Variants in TANGO2 observed in about 807,000 individuals in gnomAD.
The protein encoded by TANGO2 is transport and Golgi organization protein 2 homolog.
Under a neutral mutation model 39.1 loss-of-function variants are expected in TANGO2, and 26 were observed. The observed-to-expected ratio is 0.67, with a 90% confidence interval of 0.49 to 0.92. The LOEUF is 0.92. TANGO2 is among the 40% of genes least tolerant of loss of function. The probability of loss-of-function intolerance (pLI) is 0.00; values close to 1 mark genes in which losing one functional copy is unlikely to be tolerated. For synonymous variants in TANGO2, 131 were observed against 144.5 expected (o/e 0.91, Z 0.67); for missense variants, 326 against 360.1 (o/e 0.91, Z 0.77).
chr22:20,058,772 AG>A (rs2047847866), intron 6 of TANGO2, among the ~76,000 whole-genome samples: 1 of 152,128 alleles, frequency 6.6e-6, no homozygotes, highest in Non-Finnish European at 1.5e-5. Flanking sequence ...CTCTTTGAAG[AG>A]GGGAAGGGCA....
intron 2 of TANGO2, among the ~76,000 whole-genome samples, chr22:20,038,925 GTTTT>G (rs11361190): frequency 7.0e-6 from 1 of 142,812 alleles, no homozygotes. Flanking sequence ...AGGCCACTAT[GTTTT>G]TTTTTTTTAT....
chr22:20,059,398 C>T (rs1192721375), intron 6 of TANGO2, among the ~76,000 whole-genome samples: 2 of 152,164 alleles, frequency 1.3e-5, no homozygotes, highest in Non-Finnish European at 2.9e-5. Context: ...CATGTGAATA[C>T]GTAGGAATGG....
intron 6 of TANGO2, chr22:20,056,828 C>T (rs1671104472): frequency 4.4e-6 from 2 of 456,678 alleles, no homozygotes; most frequent in South Asian, 3.1e-5. Flanking sequence ...CTCCCACACT[C>T]GCTGCCCACA....
At chr22:20,019,150 A>G (rs1227416510), upstream of TANGO2, 1 of 152,268 alleles carries the variant, frequency 6.6e-6, no homozygotes, top group African/African-American at 2.4e-5. Flanking sequence ...CCAGTAGCCC[A>G]GTGTTCTCCC....
At chr22:20,018,880 G>A (rs1945392089), upstream of TANGO2, among the ~76,000 whole-genome samples, 1 of 152,128 alleles carries the variant, frequency 6.6e-6, no homozygotes, top group South Asian at 2.1e-4. Flanking sequence ...AGGAGTTCGA[G>A]ACCAGCCTGG....
intron 2 of TANGO2, among the ~76,000 whole-genome samples, chr22:20,040,597 C>T (rs548282239): frequency 6.6e-6 from 1 of 152,348 alleles, no homozygotes; most frequent in South Asian, 2.1e-4. Flanking sequence ...CACATCCCCA[C>T]CATAGCACTC....
At chr22:20,024,537 C>T (rs888837823) in intron 1 of TANGO2, among the ~76,000 whole-genome samples, 6 of 152,208 alleles carry the variant, frequency 3.9e-5, no homozygotes, top group African/African-American at 1.2e-4. Flanking sequence ...GGGGATTGGG[C>T]GCCCGGCTGC....
intron 1 of TANGO2, among the ~76,000 whole-genome samples, chr22:20,030,334 A>G (rs1256845274): frequency 6.7e-6 from 1 of 149,666 alleles, no homozygotes; most frequent in East Asian, 2.0e-4. Flanking sequence ...CACCTGGCTA[A>G]TTTGTTTGTT....
intron 4 of TANGO2, among the ~76,000 whole-genome samples, chr22:20,052,997 C>T (rs1389069734): frequency 6.6e-6 from 1 of 152,162 alleles, no homozygotes; most frequent in Non-Finnish European, 1.5e-5. Flanking sequence ...CAGCCAGGAG[C>T]CCACTCCCAC....
intron 3 of TANGO2, among the ~76,000 whole-genome samples, chr22:20,048,877 C>A (rs2045764301): frequency 6.6e-6 from 1 of 152,154 alleles, no homozygotes; most frequent in African/African-American, 2.4e-5. Flanking sequence ...AATCTCTTGA[C>A]CTCTTGATCT....
In TANGO2 at chr22:20,066,443, G is replaced by A. The variant is rs570375901; in HGVS notation, c.*1781G>A. ...TTTCAGACCCATGAGAGTGCAGGGTGGGTGTGGACCTGCGCCAGGGCTTCC... is the reference window on the plus strand; with the variant it reads ...TTTCAGACCCATGAGAGTGCAGGGTAGGTGTGGACCTGCGCCAGGGCTTCC... On this transcript the variant is annotated 3_prime_UTR_variant, in exon 9 of 9. Coordinates refer to ENST00000327374, the MANE Select transcript of TANGO2 (RefSeq NM_152906.7). 2 of 152,454 alleles carry A rather than the reference G, an allele frequency of 1.3e-5. No individual in the cohort carries two copies. The highest frequency in any genetic ancestry group is 4.8e-5 in the African/African-American group (2 of 41,568). 9.4% of individuals were successfully genotyped at this position (152,454 alleles called of 1,614,324 possible).
upstream of TANGO2, chr22:20,019,131 C>A (rs971922063): frequency 2.0e-5 from 3 of 152,106 alleles, no homozygotes; most frequent in Admixed American, 1.3e-4. Flanking sequence ...GCAAGGGAGA[C>A]CACAGGGACC....
intron 1 of TANGO2, among the ~76,000 whole-genome samples, chr22:20,033,488 G>C (rs1263001723): frequency 6.6e-6 from 1 of 152,250 alleles, no homozygotes; most frequent in Non-Finnish European, 1.5e-5. Flanking sequence ...CAGCAGCTGG[G>C]CGTGCAGCCC....
chr22:20,055,883 G>C, intron 5 of TANGO2, 60 bp from the exon 6 acceptor site: 6 of 1,413,612 alleles, frequency 4.2e-6, no homozygotes, highest in Non-Finnish European at 6.0e-6. Flanking sequence ...AGATCACCGG[G>C]CAGTGTCGGG....
chr22:20,025,995 G>A (rs1034427931), intron 1 of TANGO2, among the ~76,000 whole-genome samples: 1 of 152,208 alleles, frequency 6.6e-6, no homozygotes, highest in Non-Finnish European at 1.5e-5. Context: ...GGCTGAGGTG[G>A]GCCAGACTGG....
At chr22:20,021,896 G>A (rs757261796) in intron 1 of TANGO2, among the ~76,000 whole-genome samples, 5 of 152,262 alleles carry the variant, frequency 3.3e-5, no homozygotes, top group Non-Finnish European at 5.9e-5. Context: ...AAGCTTTAGA[G>A]TGAACCGTCT....
chr22:20,026,607 C>T lies in TANGO2; in HGVS notation c.-40+5361C>T, dbSNP rs2040812046. Among the ~76,000 whole-genome samples the T allele has an allele frequency of 2.0e-5, 3 of 152,256 alleles. No homozygotes were observed. In the South Asian group the frequency reaches 6.2e-4, roughly 31 times the overall value. On this transcript the variant is annotated intron_variant, in intron 1 of 8. Transcript: ENST00000327374. Reference sequence around the variant, plus strand: ...AGGCAGGGGATGGCTAGGGAGAAAACAGTTGCAGGCCTGGGACAGGCACAT... The same window carrying T: ...AGGCAGGGGATGGCTAGGGAGAAAATAGTTGCAGGCCTGGGACAGGCACAT...
chr22:20,062,456 C>T (rs922448105), intron 7 of TANGO2, among the ~76,000 whole-genome samples: 5 of 152,194 alleles, frequency 3.3e-5, no homozygotes, highest in African/African-American at 1.2e-4. Flanking sequence ...CCCCTTTCTG[C>T]CCCCTGCCTA....
At chr22:20,054,613 G>C (rs2147596473) in intron 5 of TANGO2, 1 of 152,514 alleles carries the variant, frequency 6.6e-6, no homozygotes, top group African/African-American at 2.4e-5. Flanking sequence ...TGCAGAGTGA[G>C]GGTCAGCCTC....
Sources: gnomAD v4.1 joint callset for allele counts (sites outside exome capture counted in the v4.1 genomes callset) on GRCh38, gnomAD v4.1.1 for gene constraint, MANE v1.5 for transcripts, NCBI Gene and HGNC (gene_info 2026-07-23, HGNC 2026-07-21) for gene names.